TTC39C: variants seen among roughly 807,000 people sequenced by gnomAD.
TTC39C encodes the protein tetratricopeptide repeat protein 39C.
In TTC39C, 33 loss-of-function variants were observed where a neutral mutation model predicts 76.3. That is an observed-to-expected ratio of 0.43 (90% CI 0.33 to 0.58). The LOEUF is 0.58. TTC39C is among the 20% of genes least tolerant of loss of function. TTC39C has a pLI of 0.04. For synonymous variants in TTC39C, 254 were observed against 260.6 expected, an observed-to-expected ratio of 0.97 and a Z score of 0.24; for missense variants, 595 against 701.4, an observed-to-expected ratio of 0.85 and a Z score of 1.71.
At chr18:24,114,475 A>G in intron 6 of TTC39C, 79 bp from the exon 7 acceptor site, 1 of 1,108,306 alleles carries the variant, frequency 9.0e-7, no homozygotes, top group Admixed American at 1.8e-5. Flanking sequence ...TATGAAGGAA[A>G]AAGATGCTTT....
intron 10 of TTC39C, 85 bp downstream of exon 10, chr18:24,125,635 T>C: frequency 6.4e-7 from 1 of 1,552,542 alleles, no homozygotes; most frequent in Non-Finnish European, 8.8e-7. Flanking sequence ...TTCCCGTTTA[T>C]TTCATGTTTA....
chr18:24,043,779 G>A (rs2083826898), intron 1 of TTC39C, among the ~76,000 whole-genome samples: 1 of 152,222 alleles, frequency 6.6e-6, no homozygotes, highest in African/African-American at 2.4e-5. Flanking sequence ...GGAAGACGAA[G>A]GTTTGCCACC....
chr18:24,065,936 G>T, intron 2 of TTC39C, 76 bp from the exon 3 acceptor site: 3 of 1,405,224 alleles, frequency 2.1e-6, no homozygotes, highest in South Asian at 2.9e-5. Context: ...TTTTAATTTG[G>T]AGTTTTCTTG....
chr18:24,106,714 C>T (rs1420497390), intron 6 of TTC39C, among the ~76,000 whole-genome samples: 7 of 152,156 alleles, frequency 4.6e-5, no homozygotes, highest in South Asian at 2.1e-4. Flanking sequence ...TGTTTTGAGA[C>T]GGAGTCTGGC....
At chr18:24,072,481 G>C (rs1253437058) in intron 4 of TTC39C, among the ~76,000 whole-genome samples, 2 of 152,152 alleles carry the variant, frequency 1.3e-5, no homozygotes, top group African/African-American at 4.8e-5. Context: ...ATTTTTAGTA[G>C]AGACAGGGTT....
rs2085152242 is a variant in TTC39C at position 24,132,943 on chromosome 18, G to C, written c.*369G>C. ...CACATATCTGAATGGGTAACATGAT[G>C]AGGTACCTGTAAAATTATTAACAAT... On this transcript the variant is annotated 3_prime_UTR_variant, in exon 14 of 14. Transcript: ENST00000317571. 1 of 169,534 alleles carries C rather than the reference G, an allele frequency of 5.9e-6. No individual in the cohort carries two copies. Among genetic ancestry groups the C allele is most frequent in the African/African-American group, 2.4e-5 (1 of 42,304 alleles). The allele number at this position is 169,534 out of a possible 1,614,324, so 10.5% of individuals were successfully genotyped here.
intron 8 of TTC39C, among the ~76,000 whole-genome samples, chr18:24,119,493 A>C (rs1191226582): frequency 6.6e-6 from 1 of 152,200 alleles, no homozygotes; most frequent in Non-Finnish European, 1.5e-5. Context: ...GTTGATGAAC[A>C]TTGACCAATA....
intron 1 of TTC39C, among the ~76,000 whole-genome samples, chr18:24,009,709 C>T (rs777097239): frequency 3.3e-5 from 5 of 152,204 alleles, no homozygotes; most frequent in Non-Finnish European, 5.9e-5. Flanking sequence ...GGGAGGAAAG[C>T]GGTGGAGGAG....
At chr18:24,063,524 T>G (rs1165972627) in intron 1 of TTC39C, among the ~76,000 whole-genome samples, 1 of 151,252 alleles carries the variant, frequency 6.6e-6, no homozygotes, top group East Asian at 1.9e-4. Context: ...CTTTTTTTTT[T>G]TTTTTTGAGA....
intron 10 of TTC39C, 56 bp downstream of exon 10, chr18:24,125,606 C>T: frequency 1.2e-6 from 2 of 1,604,338 alleles, no homozygotes; most frequent in Non-Finnish European, 1.7e-6. Context: ...CTTCTTCTGT[C>T]AGTGCGGCAT....
chr18:24,130,489 A>T, intron 12 of TTC39C, 72 bp downstream of exon 12: 1 of 451,570 alleles, frequency 2.2e-6, no homozygotes, highest in Non-Finnish European at 3.3e-6. Flanking sequence ...GTGGGCAAGC[A>T]CAAAGCACCC....
chr18:24,019,839 C>G lies in TTC39C; in HGVS notation c.167+4801C>G. ...ATATGGCATGCAAAGCCTAAAATAT[C>G]TACTCTCTGGCCTTTTACAGAAAAA... On this transcript the variant is annotated intron_variant, in intron 1 of 13. Transcript: ENST00000317571. 3.9e-6 allele frequency: 6 copies of G among 1,522,148 alleles called. No individual in the cohort carries two copies. In the South Asian group the frequency reaches 7.3e-5, roughly 19 times the overall value. The allele number at this position is 1,522,148 out of a possible 1,614,324, so 94.3% of individuals were successfully genotyped here.
chr18:24,094,719 A>G (rs2084567606), intron 6 of TTC39C, among the ~76,000 whole-genome samples: 2 of 152,246 alleles, frequency 1.3e-5, no homozygotes, highest in Admixed American at 1.3e-4. Context: ...TCTGAGAAGT[A>G]TGTCCCAACA....
At chr18:24,051,399 A>G (rs1394772518) in intron 1 of TTC39C, among the ~76,000 whole-genome samples, 2 of 152,210 alleles carry the variant, frequency 1.3e-5, no homozygotes, top group African/African-American at 2.4e-5. Flanking sequence ...CTGTACACAC[A>G]GGGGCCATGC....
chr18:24,106,695 G>T (rs2084748764), intron 6 of TTC39C, among the ~76,000 whole-genome samples: 1 of 152,118 alleles, frequency 6.6e-6, no homozygotes, highest in Non-Finnish European at 1.5e-5. Context: ...GGGTTGTTTT[G>T]TTTTGTTGTG....
At chr18:24,042,811 A>C (rs1417556179) in intron 1 of TTC39C, among the ~76,000 whole-genome samples, 2 of 152,166 alleles carry the variant, frequency 1.3e-5, no homozygotes, top group African/African-American at 4.8e-5. Context: ...ATATTTACGC[A>C]GTGTAAATAA....
At chr18:24,000,934 C>T (rs1405750324) in intron 1 of TTC39C, among the ~76,000 whole-genome samples, 1 of 152,122 alleles carries the variant, frequency 6.6e-6, no homozygotes, top group African/African-American at 2.4e-5. Flanking sequence ...AGATGTTAAG[C>T]AACTTGATCA....
rs543046704 is a variant in TTC39C, at chr18:24,018,786, C to T, written c.167+3748C>T. ...GGAGAGGAAACAGCGGAAAAACCCACGTGGAGACATGAAATGACATTGGGA... is the reference window on the plus strand; with the variant it reads ...GGAGAGGAAACAGCGGAAAAACCCATGTGGAGACATGAAATGACATTGGGA... On this transcript the variant is annotated intron_variant, in intron 1 of 13. Coordinates refer to ENST00000317571, the MANE Select transcript of TTC39C (RefSeq NM_001135993.2). Among the ~76,000 whole-genome samples, 11 of 152,220 alleles carry T rather than the reference C, an allele frequency of 7.2e-5. No homozygotes were observed. In the South Asian group the frequency reaches 2.1e-3, roughly 29 times the overall value.
intron 1 of TTC39C, among the ~76,000 whole-genome samples, chr18:23,997,904 T>C (rs2083282609): frequency 6.6e-6 from 1 of 150,930 alleles, no homozygotes; most frequent in Non-Finnish European, 1.5e-5. Context: ...GAAAAAGAAA[T>C]TGGTTTAGAG....
Sources: allele counts gnomAD v4.1 joint callset (sites outside exome capture counted in the v4.1 genomes callset), GRCh38; gene constraint gnomAD v4.1.1; transcripts MANE v1.5; gene names NCBI Gene and HGNC (gene_info 2026-07-23, HGNC 2026-07-21).